WWOX: variants seen among roughly 807,000 people sequenced by gnomAD.
The protein encoded by WWOX is WW domain-containing oxidoreductase.
In WWOX, 69 loss-of-function variants were observed where a neutral mutation model predicts 46.2. The ratio of observed to expected loss-of-function variants is 1.49; its 90% CI spans 1.23 to 1.82. WWOX has a LOEUF of 1.82. Among genes scored for constraint, WWOX ranks in the 40% most tolerant of loss-of-function variants. The pLI, the probability that WWOX is intolerant of heterozygous loss-of-function variation, is 0.00. For missense variants in WWOX, 919 were observed against 542.6 expected (o/e 1.69, Z -6.89); for synonymous variants, 359 against 202.6 (o/e 1.77, Z -6.56).
At chr16:78,621,407 C>T (rs1045840587) in intron 8 of WWOX, among the ~76,000 whole-genome samples, 1 of 151,858 alleles carries the variant, frequency 6.6e-6, no homozygotes, top group Non-Finnish European at 1.5e-5. Flanking sequence ...TTTCACCTCT[C>T]CCCTGGTAAC....
intron 4 of WWOX, among the ~76,000 whole-genome samples, chr16:78,160,044 A>T (rs115181196): frequency 6.7e-6 from 1 of 150,202 alleles, no homozygotes; most frequent in South Asian, 2.1e-4. Context: ...TCTGTATTTT[A>T]TGTTTGTTTT....
intron 8 of WWOX, among the ~76,000 whole-genome samples, chr16:79,044,355 T>C (rs1218909947): frequency 1.3e-5 from 2 of 152,112 alleles, no homozygotes; most frequent in Admixed American, 1.3e-4. Flanking sequence ...AGGTGGGGCA[T>C]GGTGGGAGGT....
chr16:78,139,274 G>T (rs750801088), intron 4 of WWOX, among the ~76,000 whole-genome samples: 7 of 152,174 alleles, frequency 4.6e-5, no homozygotes, highest in Non-Finnish European at 7.3e-5. Context: ...CAAGGAGGCA[G>T]CATTTAACTG....
At position 78,589,176 on chromosome 16, in the gene WWOX, G is replaced by C. The variant is rs16948146; in HGVS notation, c.1056+156424G>C. ...TCTGTTGGGATCCGGGGAGCATATG[G>C]AGTGTTGTTTGTTATTTTTTAGAGT... On this transcript the variant is annotated intron_variant, in intron 8 of 8. Coordinates refer to ENST00000566780, the MANE Select transcript of WWOX (RefSeq NM_016373.4). Among the ~76,000 whole-genome samples, 1,450 of 152,334 alleles carry C rather than the reference G, an allele frequency of 9.5e-3. 19 individuals are homozygous for C. The highest frequency in any genetic ancestry group is 0.033 in the African/African-American group (1,369 of 41,564).
intron 8 of WWOX, among the ~76,000 whole-genome samples, chr16:79,009,139 A>G (rs757240914): frequency 6.6e-6 from 1 of 152,246 alleles, no homozygotes; most frequent in Admixed American, 6.5e-5. Context: ...ATGGATGATC[A>G]TCTTCCCTGC....
chr16:78,657,173 G>C (rs1484073911), intron 8 of WWOX, among the ~76,000 whole-genome samples: 2 of 152,086 alleles, frequency 1.3e-5, no homozygotes, highest in East Asian at 1.9e-4. Flanking sequence ...TCATCACTGA[G>C]GTTTGTCATT....
chr16:79,020,676 C>A (rs962598951), intron 8 of WWOX, among the ~76,000 whole-genome samples: 1 of 152,050 alleles, frequency 6.6e-6, no homozygotes, highest in Non-Finnish European at 1.5e-5. Flanking sequence ...AATCAACAGA[C>A]AAAAGAAGGG....
At chr16:79,189,772 A>T (rs965112329) in intron 8 of WWOX, among the ~76,000 whole-genome samples, 1 of 151,740 alleles carries the variant, frequency 6.6e-6, no homozygotes, top group Non-Finnish European at 1.5e-5. Context: ...AATTGCGAAT[A>T]CACAGTTGTT....
chr16:79,185,947 T>TGTGTGTGTGTGTGTGCATGC (rs973605316), intron 8 of WWOX, among the ~76,000 whole-genome samples: 2 of 150,198 alleles, frequency 1.3e-5, no homozygotes, highest in Non-Finnish European at 3.0e-5. Flanking sequence ...GCCATGTCTG[T>TGTGTGTGTGTGTGTGCATGC]GTGTGTGTGT....
chr16:78,463,877 C>A (rs2738659), intron 8 of WWOX, among the ~76,000 whole-genome samples: 48,663 of 151,994 alleles, frequency 0.32, 10,192 homozygotes, highest in African/African-American at 0.61. Flanking sequence ...AAACTTCCTC[C>A]TTTTCTAGTA....
chr16:78,595,038 G>C (rs2045454013), intron 8 of WWOX, among the ~76,000 whole-genome samples: 1 of 152,206 alleles, frequency 6.6e-6, no homozygotes, highest in African/African-American at 2.4e-5. Context: ...GTTTGGGAAA[G>C]CACTTTGTCA....
chr16:79,095,999 G>A (rs1382506558), intron 8 of WWOX, among the ~76,000 whole-genome samples: 3 of 139,010 alleles, frequency 2.2e-5, no homozygotes, highest in South Asian at 2.3e-4. Flanking sequence ...ACAGGCATGC[G>A]CTGCCACACC....
At chr16:78,863,218 A>G (rs540591089) in intron 8 of WWOX, among the ~76,000 whole-genome samples, 1 of 152,256 alleles carries the variant, frequency 6.6e-6, no homozygotes, top group East Asian at 1.9e-4. Context: ...TTGGCCTCCC[A>G]AAGTGCTAGG....
At chr16:78,573,699 C>G (rs547522045) in intron 8 of WWOX, among the ~76,000 whole-genome samples, 1 of 152,332 alleles carries the variant, frequency 6.6e-6, no homozygotes, top group East Asian at 1.9e-4. Context: ...AGCAGGAATG[C>G]TGCACTGAAC....
intron 5 of WWOX, among the ~76,000 whole-genome samples, chr16:78,198,070 T>G (rs1315490411): frequency 6.6e-6 from 1 of 152,108 alleles, no homozygotes; most frequent in Non-Finnish European, 1.5e-5. Flanking sequence ...GTGGCCACTG[T>G]CTCCTGGTAG....
chr16:78,874,684 C>CTTTTT (rs552696627), intron 8 of WWOX, among the ~76,000 whole-genome samples: 67 of 83,484 alleles, frequency 8.0e-4, no homozygotes, highest in South Asian at 1.0e-3. Flanking sequence ...AGATTTTTTT[C>CTTTTT]TTTTTTTTTT....
intron 8 of WWOX, among the ~76,000 whole-genome samples, chr16:79,010,210 T>C (rs936377950): frequency 2.0e-5 from 3 of 152,298 alleles, no homozygotes; most frequent in Admixed American, 1.3e-4. Context: ...CTTTCACAAA[T>C]GCTTACCGAG....
intron 5 of WWOX, among the ~76,000 whole-genome samples, chr16:78,191,343 A>G (rs2151763920): frequency 6.6e-6 from 1 of 152,292 alleles, no homozygotes; most frequent in Non-Finnish European, 1.5e-5. Flanking sequence ...TTGGAGCAAC[A>G]AGGCTTGGGA....
intron 8 of WWOX, among the ~76,000 whole-genome samples, chr16:78,916,032 T>C (rs1405066940): frequency 6.6e-6 from 1 of 152,228 alleles, no homozygotes; most frequent in Non-Finnish European, 1.5e-5. Context: ...AAAGGGAATT[T>C]GGAACCATTG....
Sources: allele counts gnomAD v4.1 joint callset (sites outside exome capture counted in the v4.1 genomes callset), GRCh38; gene constraint gnomAD v4.1.1; transcripts MANE v1.5; gene names NCBI Gene and HGNC (gene_info 2026-07-23, HGNC 2026-07-21).